Variants in SORCS2 observed in about 807,000 individuals in gnomAD.
SORCS2 encodes sortilin related VPS10 domain containing receptor 2, also known as VPS10 domain-containing receptor SorCS2.
In SORCS2, 100 loss-of-function variants were observed where a neutral mutation model predicts 141.6. That is an observed-to-expected ratio of 0.71 (90% CI 0.60 to 0.83). The LOEUF (loss-of-function observed/expected upper bound fraction) is 0.83. Ranked by LOEUF, SORCS2 falls within the 40% of genes least tolerant of loss-of-function variation. The pLI, the probability that SORCS2 is intolerant of heterozygous loss-of-function variation, is 0.00. For missense variants in SORCS2, 1,646 were observed against 1,560.2 expected (o/e 1.05, Z -0.93); for synonymous variants, 789 against 676.9 (o/e 1.17, Z -2.57).
At chr4:7,453,492 G>A (rs1329625823) in intron 2 of SORCS2, among the ~76,000 whole-genome samples, 1 of 143,386 alleles carries the variant, frequency 7.0e-6, no homozygotes, top group Non-Finnish European at 1.5e-5. Context: ...CTTGGGGTCA[G>A]GCTCCATGTT....
chr4:7,654,350 C>G, intron 5 of SORCS2, 143 bp downstream of exon 5: 1 of 767,092 alleles, frequency 1.3e-6, no homozygotes, highest in Non-Finnish European at 2.1e-6. Flanking sequence ...CCACCGTCCA[C>G]TGCCTCTGCC....
At chr4:7,684,781 G>A (rs897423299) in intron 10 of SORCS2, among the ~76,000 whole-genome samples, 4 of 152,118 alleles carry the variant, frequency 2.6e-5, no homozygotes, top group African/African-American at 2.4e-5. Flanking sequence ...ATTCCACCTG[G>A]CACACAGCAG....
At chr4:7,706,018 C>T (rs1725409458) in intron 14 of SORCS2, among the ~76,000 whole-genome samples, 1 of 146,264 alleles carries the variant, frequency 6.8e-6, no homozygotes, top group African/African-American at 2.4e-5. Context: ...AGGGATGAGG[C>T]TGGGCTCTGT....
intron 2 of SORCS2, among the ~76,000 whole-genome samples, chr4:7,494,755 C>T (rs1731511120): frequency 6.7e-6 from 1 of 148,468 alleles, no homozygotes; most frequent in Admixed American, 6.8e-5. Flanking sequence ...TGGGCTGTTT[C>T]CTTAAACCAC....
intron 1 of SORCS2, among the ~76,000 whole-genome samples, chr4:7,218,653 C>G (rs939943790): frequency 2.6e-5 from 4 of 152,188 alleles, no homozygotes; most frequent in African/African-American, 9.7e-5. Context: ...CTGCATTTAA[C>G]TAAAGATTGA....
intron 3 of SORCS2, among the ~76,000 whole-genome samples, chr4:7,532,770 G>A (rs1193137838): frequency 2.6e-5 from 4 of 152,088 alleles, no homozygotes; most frequent in African/African-American, 4.8e-5. Context: ...TTTGTTCATG[G>A]GATGTCCTCT....
At chr4:7,577,308 A>G (rs1465923787) in intron 3 of SORCS2, among the ~76,000 whole-genome samples, 1 of 152,220 alleles carries the variant, frequency 6.6e-6, no homozygotes, top group African/African-American at 2.4e-5. Flanking sequence ...AGGTGGGTAG[A>G]CAGGTAAAGC....
intron 2 of SORCS2, among the ~76,000 whole-genome samples, chr4:7,455,019 C>T (rs1728787206): frequency 1.9e-5 from 2 of 105,812 alleles, no homozygotes; most frequent in Admixed American, 1.1e-4. Context: ...TAGGGTCAGG[C>T]AGTGTGTTGG....
intron 1 of SORCS2, among the ~76,000 whole-genome samples, chr4:7,359,380 C>T (rs1721446413): frequency 6.6e-6 from 1 of 152,212 alleles, no homozygotes; most frequent in African/African-American, 2.4e-5. Context: ...GTGATCCTCC[C>T]ATCTGGGCCT....
At position 7,565,551 on chromosome 4, in the gene SORCS2, G is replaced by C. The variant is rs557590186; in HGVS notation, c.648+33922G>C. Among the ~76,000 whole-genome samples the C allele has an allele frequency of 2.0e-4, 31 of 152,266 alleles. No individual in the cohort carries two copies. In the South Asian group the frequency reaches 6.2e-3, roughly 31 times the overall value. On this transcript the variant is annotated intron_variant, in intron 3 of 26. Coordinates refer to ENST00000507866, the MANE Select transcript of SORCS2 (RefSeq NM_020777.3). ...AAGAAGATGATGGTGACGTGATGAT[G>C]ATGATACCAATCACGATGATGATGG...
chr4:7,439,799 G>C (rs1443903538), intron 2 of SORCS2, among the ~76,000 whole-genome samples: 1 of 152,156 alleles, frequency 6.6e-6, no homozygotes, highest in Non-Finnish European at 1.5e-5. Flanking sequence ...ACCATGAGCT[G>C]GCATGGGGTG....
Position 7,724,999 on chromosome 4 carries a change from G to GTGGTGA in SORCS2, c.2612-149_2612-144dup, listed in dbSNP as rs1170268741. Among the ~76,000 whole-genome samples the GTGGTGA allele has an allele frequency of 2.5e-4, 36 of 143,238 alleles. 1 individual carries two copies. Among genetic ancestry groups the GTGGTGA allele is most frequent in the African/African-American group, 9.6e-4 (34 of 35,602 alleles). 94.0% of individuals were successfully genotyped at this position (143,238 alleles called of 152,430 possible). A position where few individuals can be genotyped will look rare whatever the true frequency, so the allele number is the denominator to read the frequency against. ...TTGGTGGGAATGGATGGTGGTAGTAGTGGTGATGGTGGTGGTGGTGGTGGT... is the reference window on the plus strand; with the variant it reads ...TTGGTGGGAATGGATGGTGGTAGTAGTGGTGATGGTGATGGTGGTGGTGGTGGTGGT... On this transcript the variant is annotated intron_variant, in intron 19 of 26. Coordinates refer to ENST00000507866, the MANE Select transcript of SORCS2 (RefSeq NM_020777.3).
chr4:7,504,245 C>T (rs1017294870), intron 2 of SORCS2, among the ~76,000 whole-genome samples: 18 of 152,216 alleles, frequency 1.2e-4, no homozygotes, highest in Non-Finnish European at 1.9e-4. Context: ...AAACGGACAT[C>T]TGGCGGCCAT....
chr4:7,240,695 T>C lies in SORCS2; in HGVS notation c.480+47569T>C, dbSNP rs1474267893. The stretch of plus-strand genomic sequence containing the variant: ...CTTCACTTTCTAGCCCCGGATCCTG[T>C]TGGAATCCTGAAGCTGCAACTTGTA... On this transcript the variant is annotated intron_variant, in intron 1 of 26. Coordinates refer to ENST00000507866, the MANE Select transcript of SORCS2 (RefSeq NM_020777.3). 2.6e-5 allele frequency among the ~76,000 whole-genome samples: 4 copies of C among 152,086 alleles called. No individual in the cohort carries two copies. In the East Asian group the frequency reaches 7.7e-4, roughly 29 times the overall value.
At chr4:7,543,700 C>G (rs1577723782) in intron 3 of SORCS2, among the ~76,000 whole-genome samples, 4 of 75,490 alleles carry the variant, frequency 5.3e-5, no homozygotes, top group Middle Eastern at 8.9e-3. Flanking sequence ...ATCCACCCAT[C>G]CATCCATCCA....
At chr4:7,345,139 C>A (rs896464439) in intron 1 of SORCS2, among the ~76,000 whole-genome samples, 45 of 152,096 alleles carry the variant, frequency 3.0e-4, no homozygotes, top group African/African-American at 1.1e-3. Context: ...TATGCTGGGC[C>A]CCAATTTTCA....
At chr4:7,680,531 C>T (rs1407546188) in intron 9 of SORCS2, among the ~76,000 whole-genome samples, 1 of 152,264 alleles carries the variant, frequency 6.6e-6, no homozygotes, top group Non-Finnish European at 1.5e-5. Context: ...GCTGGCTCCT[C>T]CCGGCCCCTG....
intron 3 of SORCS2, among the ~76,000 whole-genome samples, chr4:7,569,428 C>T (rs192508845): frequency 3.9e-4 from 59 of 152,298 alleles, no homozygotes; most frequent in Middle Eastern, 3.4e-3. Flanking sequence ...AGGAGAATTG[C>T]TTGAACCTGG....
At chr4:7,420,816 C>A (rs1725990719) in intron 2 of SORCS2, among the ~76,000 whole-genome samples, 1 of 152,348 alleles carries the variant, frequency 6.6e-6, no homozygotes, top group Admixed American at 6.5e-5. Flanking sequence ...CCGCCTGCCA[C>A]CGTCACAAGC....
Sources: allele counts gnomAD v4.1 joint callset (sites outside exome capture counted in the v4.1 genomes callset), GRCh38; gene constraint gnomAD v4.1.1; transcripts MANE v1.5; gene names NCBI Gene and HGNC (gene_info 2026-07-23, HGNC 2026-07-21).